Variants in SNTG1 observed in about 807,000 individuals in gnomAD.
SNTG1 encodes the protein syntrophin gamma 1.
SNTG1 carries 39 observed loss-of-function variants against 74.7 expected under a neutral mutation model. The ratio of observed to expected loss-of-function variants is 0.52; its 90% CI spans 0.40 to 0.68. The LOEUF (loss-of-function observed/expected upper bound fraction) is 0.68. SNTG1 is among the 30% of genes least tolerant of loss of function. The probability of loss-of-function intolerance (pLI) is 0.00; values close to 1 mark genes in which losing one functional copy is unlikely to be tolerated. For missense variants in SNTG1, 685 were observed against 609.5 expected, an observed-to-expected ratio of 1.12 and a Z score of -1.30; for synonymous variants, 254 against 217.1, an observed-to-expected ratio of 1.17 and a Z score of -1.49.
chr8:50,620,893 G>C (rs1054552375), intron 13 of SNTG1, among the ~76,000 whole-genome samples: 1 of 152,160 alleles, frequency 6.6e-6, no homozygotes, highest in African/African-American at 2.4e-5. Context: ...TAAATAAAGT[G>C]ATTGTGGCTA....
intron 12 of SNTG1, among the ~76,000 whole-genome samples, chr8:50,557,743 C>T (rs1191504393): frequency 3.9e-5 from 6 of 152,192 alleles, no homozygotes; most frequent in African/African-American, 1.4e-4. Flanking sequence ...TCCAGGTTTT[C>T]CATGTGGATA....
intron 1 of SNTG1, among the ~76,000 whole-genome samples, chr8:50,074,134 T>C (rs1821618157): frequency 6.6e-6 from 1 of 152,128 alleles, no homozygotes; most frequent in Non-Finnish European, 1.5e-5. Context: ...ATCAAAAATC[T>C]GTTGTTTAGT....
chr8:49,977,994 T>C (rs1417443740), intron 1 of SNTG1, among the ~76,000 whole-genome samples: 1 of 152,158 alleles, frequency 6.6e-6, no homozygotes, highest in Non-Finnish European at 1.5e-5. Context: ...GAAATAATAA[T>C]AATACAGATG....
At chr8:50,718,978 T>C (rs149587679) in intron 17 of SNTG1, among the ~76,000 whole-genome samples, 730 of 152,356 alleles carry the variant, frequency 4.8e-3, no homozygotes, top group Non-Finnish European at 7.3e-3. Context: ...AGGATACTCA[T>C]TTGTTTTTCT....
intron 12 of SNTG1, among the ~76,000 whole-genome samples, chr8:50,570,591 G>GTTATTATTATTATTATTA (rs61229968): frequency 7.7e-6 from 1 of 130,162 alleles, no homozygotes; most frequent in African/African-American, 2.9e-5. Flanking sequence ...TATTATTGTT[G>GTTATTATTATTATTATTA]TTATTATTAT....
At chr8:50,340,891 T>C (rs192595492) in intron 2 of SNTG1, among the ~76,000 whole-genome samples, 154 of 152,078 alleles carry the variant, frequency 1.0e-3, no homozygotes, top group South Asian at 1.7e-3. Flanking sequence ...ACTAAAATTG[T>C]TTAATGACAA....
chr8:50,755,376 G>A (rs1270169175), intron 18 of SNTG1, among the ~76,000 whole-genome samples: 2 of 151,276 alleles, frequency 1.3e-5, no homozygotes, highest in Admixed American at 6.6e-5. Context: ...TTTCATATTG[G>A]CTTATTTTAC....
intron 2 of SNTG1, among the ~76,000 whole-genome samples, chr8:50,222,894 T>G (rs893388415): frequency 9.2e-5 from 14 of 152,234 alleles, no homozygotes; most frequent in African/African-American, 3.1e-4. Flanking sequence ...GTAAAAACTC[T>G]TTTCAAATGC....
chr8:50,337,903 A>G (rs28838001), intron 2 of SNTG1, among the ~76,000 whole-genome samples: 9,942 of 152,224 alleles, frequency 0.065, 351 homozygotes, highest in African/African-American at 0.072. Context: ...TTGGGAGGCC[A>G]AGGCGGGCGG....
chr8:50,062,105 G>A (rs886684462), intron 1 of SNTG1, among the ~76,000 whole-genome samples: 1 of 152,140 alleles, frequency 6.6e-6, no homozygotes. Flanking sequence ...GTACAGTGGT[G>A]CTATCTCGCC....
chr8:50,781,606 G>A (rs1482733723), intron 18 of SNTG1, among the ~76,000 whole-genome samples: 1 of 152,140 alleles, frequency 6.6e-6, no homozygotes, highest in Non-Finnish European at 1.5e-5. Context: ...GTCTCTGCAT[G>A]TGAGATGGGT....
At chr8:50,470,987 C>G (rs1367462855) in intron 8 of SNTG1, among the ~76,000 whole-genome samples, 1 of 152,126 alleles carries the variant, frequency 6.6e-6, no homozygotes, top group Non-Finnish European at 1.5e-5. Flanking sequence ...GGTGCATTTA[C>G]AAACCTTTAG....
chr8:50,346,452 G>A lies in SNTG1; in HGVS notation c.-27-47760G>A, dbSNP rs368550832. On this transcript the variant is annotated intron_variant, in intron 2 of 18. Transcript: ENST00000642720. ...CCTCTGTCTTGCTTTCTCTCCTGGG[G>A]CCTCCGTATTCCCTGAGACCCAACA... 1.4e-4 allele frequency among the ~76,000 whole-genome samples: 22 copies of A among 152,138 alleles called. No individual in the cohort carries two copies. The East Asian group carries it at 3.5e-3, about 24-fold the overall frequency.
intron 1 of SNTG1, among the ~76,000 whole-genome samples, chr8:50,053,349 G>A (rs1490540246): frequency 6.6e-6 from 1 of 151,982 alleles, no homozygotes; most frequent in Non-Finnish European, 1.5e-5. Context: ...ATCACATATT[G>A]TATGATTTCA....
intron 4 of SNTG1, among the ~76,000 whole-genome samples, chr8:50,410,144 A>T (rs975513186): frequency 3.9e-5 from 6 of 152,224 alleles, no homozygotes; most frequent in East Asian, 3.8e-4. Context: ...ATGATGTAGG[A>T]TGTGGCTTTT....
intron 1 of SNTG1, among the ~76,000 whole-genome samples, chr8:49,980,143 G>A (rs1812539448): frequency 6.6e-6 from 1 of 152,108 alleles, no homozygotes; most frequent in Non-Finnish European, 1.5e-5. Context: ...CTGAGACAGC[G>A]TACCTATTAC....
chr8:49,925,689 T>C (rs1022056053), intron 1 of SNTG1, among the ~76,000 whole-genome samples: 2 of 152,218 alleles, frequency 1.3e-5, no homozygotes, highest in African/African-American at 2.4e-5. Flanking sequence ...TGGAATCATA[T>C]GGTATGTAGC....
chr8:50,703,649 C>T (rs2095433860), intron 15 of SNTG1, among the ~76,000 whole-genome samples: 2 of 151,954 alleles, frequency 1.3e-5, no homozygotes, highest in Admixed American at 6.6e-5. Flanking sequence ...TCTTTCTTAT[C>T]ATCATTATTA....
chr8:50,382,416 C>G (rs758578679), intron 2 of SNTG1: 4 of 152,012 alleles, frequency 2.6e-5, no homozygotes, highest in Non-Finnish European at 5.9e-5. Flanking sequence ...ATATGCGCTA[C>G]TAGAGTTATT....
Sources: gnomAD v4.1 joint callset for allele counts (sites outside exome capture counted in the v4.1 genomes callset) on GRCh38, gnomAD v4.1.1 for gene constraint, MANE v1.5 for transcripts, NCBI Gene and HGNC (gene_info 2026-07-23, HGNC 2026-07-21) for gene names.